CNTNAP2: variants seen among roughly 807,000 people sequenced by gnomAD.
CNTNAP2 encodes the protein contactin associated protein 2, also known as contactin-associated protein-like 2.
A neutral mutation model predicts 155.2 loss-of-function variants in CNTNAP2; 98 were observed. The observed-to-expected ratio is 0.63, with a 90% CI of 0.54 to 0.75. The LOEUF (loss-of-function observed/expected upper bound fraction) is 0.75. CNTNAP2 is among the 30% of genes least tolerant of loss of function. The probability of loss-of-function intolerance (pLI) is 0.00; values close to 1 mark genes in which losing one functional copy is unlikely to be tolerated. For synonymous variants in CNTNAP2, 651 were observed against 631.2 expected (o/e 1.03, Z -0.47); for missense variants, 1,727 against 1,688.1 (o/e 1.02, Z -0.40).
intron 1 of CNTNAP2, among the ~76,000 whole-genome samples, chr7:146,314,066 G>A (rs557901976): frequency 2.4e-4 from 37 of 152,008 alleles, no homozygotes; most frequent in African/African-American, 8.2e-4. Flanking sequence ...GTCTGATTTC[G>A]TTCTTCTGAA....
At chr7:147,272,166 T>C (rs1804767146) in intron 8 of CNTNAP2, among the ~76,000 whole-genome samples, 1 of 152,134 alleles carries the variant, frequency 6.6e-6, no homozygotes, top group Non-Finnish European at 1.5e-5. Context: ...GTGCTAGAAT[T>C]ACAGGCATAG....
chr7:147,637,062 T>G (rs1050593253), intron 12 of CNTNAP2, among the ~76,000 whole-genome samples: 4 of 152,100 alleles, frequency 2.6e-5, no homozygotes, highest in African/African-American at 9.7e-5. Context: ...AGGATTGACA[T>G]GTGAGGGCAT....
At chr7:147,463,810 C>A (rs552600716) in intron 10 of CNTNAP2, among the ~76,000 whole-genome samples, 2 of 152,116 alleles carry the variant, frequency 1.3e-5, no homozygotes, top group South Asian at 4.1e-4. Context: ...AGGACCATAA[C>A]AAAACAGTAG....
intron 8 of CNTNAP2, among the ~76,000 whole-genome samples, chr7:147,208,320 T>C (rs990430927): frequency 1.3e-5 from 2 of 152,070 alleles, no homozygotes; most frequent in Admixed American, 6.6e-5. Context: ...TTTGATTTAA[T>C]GTCTAGAAAG....
intron 22 of CNTNAP2, among the ~76,000 whole-genome samples, chr7:148,393,655 C>T (rs1295233832): frequency 6.6e-6 from 1 of 152,154 alleles, no homozygotes; most frequent in Non-Finnish European, 1.5e-5. Context: ...CTACTACAAA[C>T]CATCCTCTAA....
intron 1 of CNTNAP2, among the ~76,000 whole-genome samples, chr7:146,220,626 TAATA>T (rs752795021): frequency 2.7e-4 from 41 of 152,222 alleles, no homozygotes; most frequent in Admixed American, 3.9e-4. Flanking sequence ...ACATTTGAAC[TAATA>T]GTGTGATTGT....
intron 1 of CNTNAP2, among the ~76,000 whole-genome samples, chr7:146,346,048 A>C (rs573873430): frequency 6.6e-6 from 1 of 152,348 alleles, no homozygotes; most frequent in Admixed American, 6.5e-5. Context: ...AAGGTTATAA[A>C]GGAGCTGGGG....
At chr7:146,478,839 ATGT>A (rs1796918044) in intron 1 of CNTNAP2, among the ~76,000 whole-genome samples, 1 of 152,150 alleles carries the variant, frequency 6.6e-6, no homozygotes, top group Admixed American at 6.5e-5. Flanking sequence ...TTCTATTAAC[ATGT>A]AGTTTAATGT....
rs1284854610 is a variant in CNTNAP2, at chr7:146,920,709, A to G, written c.402+80805A>G. Among the ~76,000 whole-genome samples, 5 of 152,314 alleles carry G rather than the reference A, an allele frequency of 3.3e-5. 1 individual carries two copies. The East Asian group carries it at 9.6e-4, about 29-fold the overall frequency. ...TTCTATACTTAAATTTTTTCATTGAATGTTGAACTGTCCACTATGAGGGTT... is the reference window on the plus strand; with the variant it reads ...TTCTATACTTAAATTTTTTCATTGAGTGTTGAACTGTCCACTATGAGGGTT... On this transcript the variant is annotated intron_variant, in intron 3 of 23. Transcript: ENST00000361727.
intron 13 of CNTNAP2, among the ~76,000 whole-genome samples, chr7:147,841,227 A>G (rs1798722309): frequency 6.6e-6 from 1 of 152,218 alleles, no homozygotes. Context: ...CTGAGTCCAC[A>G]TAATGATAAC....
chr7:147,330,292 T>G (rs1203591527), intron 9 of CNTNAP2, among the ~76,000 whole-genome samples: 1 of 152,172 alleles, frequency 6.6e-6, no homozygotes, highest in African/African-American at 2.4e-5. Flanking sequence ...AGAAACTGTG[T>G]GCAACTACTC....
At chr7:146,395,453 G>GT (rs34094169) in intron 1 of CNTNAP2, among the ~76,000 whole-genome samples, 55,253 of 151,636 alleles carry the variant, frequency 0.36, 10,787 homozygotes, top group African/African-American at 0.49. Context: ...GTGCTAAATA[G>GT]TTTTTTTTGT....
intron 10 of CNTNAP2, among the ~76,000 whole-genome samples, chr7:147,476,020 T>G (rs985123653): frequency 3.3e-5 from 5 of 152,318 alleles, no homozygotes; most frequent in African/African-American, 9.6e-5. Flanking sequence ...AAATATTTTA[T>G]CTACTATCGA....
chr7:147,816,041 G>A (rs542789123), intron 13 of CNTNAP2, among the ~76,000 whole-genome samples: 1 of 152,356 alleles, frequency 6.6e-6, no homozygotes, highest in African/African-American at 2.4e-5. Flanking sequence ...CAGTGAAAGA[G>A]TTAAAGTGAT....
chr7:147,054,795 A>AT (rs1367408489), intron 4 of CNTNAP2, among the ~76,000 whole-genome samples: 1 of 152,140 alleles, frequency 6.6e-6, no homozygotes, highest in Non-Finnish European at 1.5e-5. Context: ...GAAATCAGTG[A>AT]TTTTCAGAGA....
At chr7:146,853,454 A>G (rs1323650474) in intron 3 of CNTNAP2, among the ~76,000 whole-genome samples, 2 of 152,210 alleles carry the variant, frequency 1.3e-5, no homozygotes, top group African/African-American at 4.8e-5. Context: ...AAATAATATC[A>G]AACCTATGGA....
intron 8 of CNTNAP2, among the ~76,000 whole-genome samples, chr7:147,225,928 AAGGAAAGAAGGAAG>A (rs1803528704): frequency 1.5e-5 from 2 of 130,924 alleles, no homozygotes; most frequent in African/African-American, 5.6e-5. Flanking sequence ...GGAAAGAAGG[AAGGAAAGAAGGAAG>A]GAAAGGAAGA....
At chr7:146,940,218 A>T (rs139809626) in intron 3 of CNTNAP2, among the ~76,000 whole-genome samples, 3 of 151,454 alleles carry the variant, frequency 2.0e-5, no homozygotes, top group Non-Finnish European at 2.9e-5. Flanking sequence ...TTATTTATTT[A>T]TTTTTTGAGA....
chr7:147,779,396 G>T (rs569991474), intron 13 of CNTNAP2, among the ~76,000 whole-genome samples: 1 of 152,246 alleles, frequency 6.6e-6, no homozygotes, highest in African/African-American at 2.4e-5. Flanking sequence ...TTTTCATGTT[G>T]GTCGTAATGT....
Sources: allele counts gnomAD v4.1 joint callset (sites outside exome capture counted in the v4.1 genomes callset), GRCh38; gene constraint gnomAD v4.1.1; transcripts MANE v1.5; gene names NCBI Gene and HGNC (gene_info 2026-07-23, HGNC 2026-07-21).